The following ZC3H4 variants were observed in gnomAD, a reference collection of about 807,000 sequenced individuals.
ZC3H4 encodes the protein zinc finger CCCH domain-containing protein 4.
A neutral mutation model predicts 108.3 loss-of-function variants in ZC3H4; 13 were observed. The ratio of observed to expected loss-of-function variants is 0.12; its 90% CI spans 0.08 to 0.19. The LOEUF (loss-of-function observed/expected upper bound fraction) is 0.19. Among genes scored for constraint, ZC3H4 ranks in the 10% least tolerant of loss-of-function variants. The pLI, the probability that ZC3H4 is intolerant of heterozygous loss-of-function variation, is 1.00. For missense variants in ZC3H4, 1,734 were observed against 1,838.8 expected (o/e 0.94, Z 1.04); for synonymous variants, 917 against 749.6 (o/e 1.22, Z -3.65).
At position 47,067,422 on chromosome 19, in the gene ZC3H4, A is replaced by C. The variant is rs2057233386; in HGVS notation, c.2846T>G (p.Leu949Arg). The change falls in exon 15 of 15, where the codon CTG (leucine) becomes CGG (arginine). Residue 949 changes from leucine (L) to arginine (R), a missense_variant. This residue lies in a region of ZC3H4 where 540 missense variants were observed against 484.1 expected (regional missense o/e 1.12). Coordinates refer to ENST00000253048, the MANE Select transcript of ZC3H4 (RefSeq NM_015168.2). This position sits in a 1 kb window ranked among gnomAD's most constrained non-coding sequence, Gnocchi z 6.4. ...IPLDPLPGHP[L>R]RDPRSQLQQF... ...CTGCAGCTGTGACCGTGGGTCCCGC[A>C]GAGGGTGCCCGGGGAGTGGGTCCAG... 6.2e-7 allele frequency: 1 copy of C among 1,606,290 alleles called. No individual in the cohort carries two copies. The highest frequency in any genetic ancestry group is 8.5e-7 in the Non-Finnish European group (1 of 1,175,740).
chr19:47,112,558 C>T lies in ZC3H4; in HGVS notation c.27G>A (p.Pro9=), dbSNP rs2058054555. 7 of 1,016,788 alleles carry T rather than the reference C, an allele frequency of 6.9e-6. No individual in the cohort carries two copies. Among genetic ancestry groups the T allele is most frequent in the Non-Finnish European group, 8.9e-6 (7 of 789,378 alleles). The allele number at this position is 1,016,788 out of a possible 1,614,324, so 63.0% of individuals were successfully genotyped here. Residue 9 remains proline (P), a synonymous_variant, in exon 2 of 15, where the codon CCG becomes CCA. Transcript: ENST00000253048. ...GCGGCGGCGACTCTGATGGCGGCGG[C>T]GGGGGGGTCCCGGGCGCGGCCTCCA... is the stretch of plus-strand genomic sequence containing the variant. MEAAPGTP[P]PPPSESPPPP... is the part of the protein sequence containing the mutation.
chr19:47,073,942 C>T (rs1000102632), intron 11 of ZC3H4, among the ~76,000 whole-genome samples: 1 of 152,226 alleles, frequency 6.6e-6, no homozygotes, highest in African/African-American at 2.4e-5. Flanking sequence ...CTGATCTCAA[C>T]TCCTGACCAT....
chr19:47,082,149 C>T lies in ZC3H4; in HGVS notation c.1330+35G>A, dbSNP rs570739054. The T allele has an allele frequency of 1.3e-5, 20 of 1,557,472 alleles. No individual in the cohort carries two copies. The African/African-American group carries it at 2.4e-4, about 19-fold the overall frequency. On this transcript the variant is annotated intron_variant, in intron 10 of 14. Transcript: ENST00000253048. ...ATCAAGGAGCAGAGAAGTTCTGCGC[C>T]CTCATTCAGACCAGATGCTGGCACT...
rs1232520168 is a variant in ZC3H4, at chr19:47,082,308, C to T, written c.1219-13G>A. 1.3e-6 allele frequency: 2 copies of T among 1,589,004 alleles called. No individual in the cohort carries two copies. Among genetic ancestry groups the T allele is most frequent in the Non-Finnish European group, 1.7e-6 (2 of 1,156,762 alleles). On this transcript the variant is annotated splice_polypyrimidine_tract_variant and intron_variant, in intron 9 of 14. Coordinates refer to ENST00000253048, the MANE Select transcript of ZC3H4 (RefSeq NM_015168.2). ...TACAGTGGTCTCCCTAGAAGAGAAG[C>T]AACAAAAACATAAGGTGGTGGCGTG...
In ZC3H4 at chr19:47,112,559, G is replaced by T; in HGVS notation, c.26C>A (p.Pro9Gln). The stretch of plus-strand genomic sequence containing the variant: ...CGGCGGCGACTCTGATGGCGGCGGC[G>T]GGGGGGTCCCGGGCGCGGCCTCCAT... MEAAPGTP[P>Q]PPPSESPPPP... Residue 9 changes from proline to glutamine, a missense_variant, in exon 2 of 15, where the codon CCG becomes CAG. Physicochemically the swap from Pro to Gln is moderately conservative, Grantham distance 76 (BLOSUM62 -1). This residue lies in a region of ZC3H4 where 112 missense variants were observed against 73.3 expected (regional missense o/e 1.53). Transcript: ENST00000253048. 1 of 1,012,690 alleles carries T rather than the reference G, an allele frequency of 9.9e-7. No individual in the cohort carries two copies. The highest frequency in any genetic ancestry group is 1.3e-6 in the Non-Finnish European group (1 of 782,894). The allele number at this position is 1,012,690 out of a possible 1,614,324, so 62.7% of individuals were successfully genotyped here. A position where few individuals can be genotyped will look rare whatever the true frequency, so the allele number is the denominator to read the frequency against.
chr19:47,090,772 T>C (rs757207241), intron 4 of ZC3H4, among the ~76,000 whole-genome samples: 4 of 152,338 alleles, frequency 2.6e-5, no homozygotes, highest in Non-Finnish European at 4.4e-5. Flanking sequence ...AAAGTGTGTA[T>C]TGGGCAAAAC....
intron 3 of ZC3H4, 113 bp downstream of exon 3, chr19:47,094,276 T>C (rs2057785981): frequency 8.0e-7 from 1 of 1,253,964 alleles, no homozygotes; most frequent in East Asian, 2.3e-5. Context: ...CAATTTGAGA[T>C]AAGCAAAGGC....
In ZC3H4 at chr19:47,067,372, C is replaced by A; in HGVS notation, c.2896G>T (p.Val966Leu). The change falls in exon 15 of 15, where the codon GTG (valine) becomes TTG (leucine). Residue 966 changes from valine (V) to leucine (L), a missense_variant. By Grantham distance (32) the Val-to-Leu change is conservative. Transcript: ENST00000253048. The surrounding 1 kb of genome is among the most constrained non-coding windows in gnomAD (Gnocchi z 6.4). ...LQQFSHIKKD[V>L]TLSKPSFART... ...GCGAAGCTGGGCTTGCTCAGGGTCA[C>A]GTCCTTCTTGATGTGGCTGAACTGC... The A allele has an allele frequency of 1.9e-6, 3 of 1,607,920 alleles. No individual in the cohort carries two copies. Among genetic ancestry groups the A allele is most frequent in the South Asian group, 1.1e-5 (1 of 90,254 alleles).
Position 47,066,898 on chromosome 19 carries a change from G to A in ZC3H4, c.3370C>T (p.Arg1124Cys), listed in dbSNP as rs755784579. The change falls in exon 15 of 15, where the codon CGC becomes TGC. Residue 1124 changes from arginine (R) to cysteine (C), a missense_variant. Transcript: ENST00000253048. ...SPPATAPYDP[R>C]VLAAGGLGQG... Reference sequence around the variant, plus strand: ...CCCAGTCCACCGGCCGCCAGCACGCGGGGGTCGTAGGGAGCGGTGGCTGGT... The same window carrying A: ...CCCAGTCCACCGGCCGCCAGCACGCAGGGGTCGTAGGGAGCGGTGGCTGGT... 8 of 1,596,902 alleles carry A rather than the reference G, an allele frequency of 5.0e-6. No individual in the cohort carries two copies. The highest frequency in any genetic ancestry group is 2.2e-5 in the East Asian group (1 of 44,690).
At position 47,084,326 on chromosome 19, in the gene ZC3H4, A is replaced by C; in HGVS notation, c.1218+19T>G. ...GGGCTATGGCCTCCTAGAGGTGCCC[A>C]GCTTTCAGCGCTCCTTACCCAGGTG... is the stretch of plus-strand genomic sequence containing the variant. On this transcript the variant is annotated intron_variant, in intron 9 of 14. Transcript: ENST00000253048. The C allele has an allele frequency of 6.2e-7, 1 of 1,613,240 alleles. No homozygotes were observed. The highest frequency in any genetic ancestry group is 8.5e-7 in the Non-Finnish European group (1 of 1,179,250).
chr19:47,084,047 C>T (rs1034969289), intron 9 of ZC3H4, among the ~76,000 whole-genome samples: 2 of 152,198 alleles, frequency 1.3e-5, no homozygotes, highest in African/African-American at 4.8e-5. Context: ...TGCTGCTTTG[C>T]ATTCACATCA....
chr19:47,091,590 TA>T (rs1375226786), intron 4 of ZC3H4, among the ~76,000 whole-genome samples: 25 of 122,420 alleles, frequency 2.0e-4, no homozygotes, highest in Non-Finnish European at 2.1e-4. Flanking sequence ...TAATTAAAAT[TA>T]AAAAAAAAAA....
chr19:47,094,185 G>C (rs544423215), intron 3 of ZC3H4, 105 bp from the exon 4 acceptor site: 1 of 1,230,518 alleles, frequency 8.1e-7, no homozygotes, highest in Non-Finnish European at 1.2e-6. Context: ...AGGGCTCTGC[G>C]CTTCACCTGA....
rs541335275 is a variant in ZC3H4, at chr19:47,097,476, C to G, written c.162-2868G>C. 3.0e-4 allele frequency among the ~76,000 whole-genome samples: 45 copies of G among 152,326 alleles called. No individual in the cohort carries two copies. In the South Asian group the frequency reaches 9.1e-3, roughly 31 times the overall value. The stretch of plus-strand genomic sequence containing the variant: ...AGTCACCTCAAGGGGTCCCCCCTCA[C>G]GACACCCAAGATGCTCTCCTAGCTA... On this transcript the variant is annotated intron_variant, in intron 2 of 14. Coordinates refer to ENST00000253048, the MANE Select transcript of ZC3H4 (RefSeq NM_015168.2).
At chr19:47,075,250 G>A (rs879315636) in intron 11 of ZC3H4, among the ~76,000 whole-genome samples, 1 of 152,160 alleles carries the variant, frequency 6.6e-6, no homozygotes, top group Admixed American at 6.5e-5. Flanking sequence ...GCAGCACAGG[G>A]GGACCCGTGG....
chr19:47,069,052 G>GCCTGGGGCCTGTGCCCCGGCC (rs1568529743), intron 14 of ZC3H4, 40 bp downstream of exon 14: 2 of 1,600,732 alleles, frequency 1.2e-6, no homozygotes, highest in Non-Finnish European at 1.7e-6. Context: ...CTGCACAGCG[G>GCCTGGGGCCTGTGCCCCGGCC]CCTGGGGCCT....
chr19:47,093,888 A>T, intron 4 of ZC3H4, 82 bp downstream of exon 4: 1 of 1,270,050 alleles, frequency 7.9e-7, no homozygotes, highest in Non-Finnish European at 1.1e-6. Context: ...AAAAATGCCC[A>T]GAACACAGCA....
chr19:47,101,890 CG>C (rs1568566185), intron 2 of ZC3H4, among the ~76,000 whole-genome samples: 2 of 150,804 alleles, frequency 1.3e-5, no homozygotes, highest in Non-Finnish European at 1.5e-5. Flanking sequence ...AAAAATTAGC[CG>C]GGCATGGTGG....
At chr19:47,094,872 A>C (rs2057796394) in intron 2 of ZC3H4, among the ~76,000 whole-genome samples, 2 of 152,202 alleles carry the variant, frequency 1.3e-5, no homozygotes, top group Non-Finnish European at 2.9e-5. Flanking sequence ...TCTACGCCAG[A>C]TTTCCCAACA....
Sources: gnomAD v4.1 joint callset for allele counts (sites outside exome capture counted in the v4.1 genomes callset) on GRCh38, gnomAD v4.1.1 for gene constraint, gnomAD v4.1.1 regional missense constraint, Gnocchi (gnomAD v3.1) non-coding constraint, MANE v1.5 for transcripts, NCBI Gene and HGNC (gene_info 2026-07-23, HGNC 2026-07-21) for gene names.